PPIP5K2: variants seen among roughly 807,000 people sequenced by gnomAD.
PPIP5K2 encodes the protein inositol hexakisphosphate and diphosphoinositol-pentakisphosphate kinase 2.
In PPIP5K2, 105 loss-of-function variants were observed where a neutral mutation model predicts 154.6. The ratio of observed to expected loss-of-function variants is 0.68; its 90% CI spans 0.58 to 0.80. The LOEUF is 0.80. Among genes scored for constraint, PPIP5K2 ranks in the 30% least tolerant of loss-of-function variants. The probability of loss-of-function intolerance (pLI) is 0.00; values close to 1 mark genes in which losing one functional copy is unlikely to be tolerated. For missense variants in PPIP5K2, 992 were observed against 1,504.6 expected, an observed-to-expected ratio of 0.66 and a Z score of 5.64; for synonymous variants, 480 against 490.3, an observed-to-expected ratio of 0.98 and a Z score of 0.28.
chr5:103,210,667 C>A lies in PPIP5K2; in HGVS notation c.*9033C>A, dbSNP rs1803758380. ...ACAATTATTGAGGTAAATAACATAC[C>A]CTAAAAGTTAGTACTGATTCCCATT... On this transcript the variant is annotated 3_prime_UTR_variant, in exon 31 of 31. Transcript: ENST00000358359. 2 of 152,078 alleles carry A rather than the reference C, an allele frequency of 1.3e-5. No homozygotes were observed. Among genetic ancestry groups the A allele is most frequent in the Admixed American group, 1.3e-4 (2 of 15,252 alleles). 9.4% of individuals were successfully genotyped at this position (152,078 alleles called of 1,614,324 possible).
At position 103,167,195 on chromosome 5, in the gene PPIP5K2, G is replaced by C; in HGVS notation, c.1937G>C (p.Ser646Thr). ...CATTTGTAGCTTACTCCATCTGGAA[G>C]CATTTCTCTTATCAAATCAATGCAT... ...EDYEKLTPSG[S>T]ISLIKSMHLI... Residue 646 changes from serine to threonine, a missense_variant, in exon 18 of 31, where the codon AGC (serine) becomes ACC (threonine). Transcript: ENST00000358359. The C allele has an allele frequency of 6.4e-7, 1 of 1,566,220 alleles. No homozygotes were observed. Among genetic ancestry groups the C allele is most frequent in the Non-Finnish European group, 8.7e-7 (1 of 1,154,864 alleles).
chr5:103,207,199 ATTGCT>A lies in PPIP5K2; in HGVS notation c.*5567_*5571del. The A allele has an allele frequency of 6.6e-6, 1 of 152,220 alleles. No individual in the cohort carries two copies. Among genetic ancestry groups the A allele is most frequent in the Non-Finnish European group, 1.5e-5 (1 of 68,050 alleles). 9.4% of individuals were successfully genotyped at this position (152,220 alleles called of 1,614,324 possible). A position where few individuals can be genotyped will look rare whatever the true frequency, so the allele number is the denominator to read the frequency against. On this transcript the variant is annotated 3_prime_UTR_variant, in exon 31 of 31. Transcript: ENST00000358359. ...AAGCCTGTCAGGCAAAGCCTTTGTA[ATTGCT>A]TATGGTCAGGCCTGAAAGATCACAC...
Position 103,177,974 on chromosome 5 carries a change from C to A in PPIP5K2, c.2748C>A (p.Ser916=). 1 of 1,588,588 alleles carries A rather than the reference C, an allele frequency of 6.3e-7. No individual in the cohort carries two copies. Among genetic ancestry groups the A allele is most frequent in the South Asian group, 1.1e-5 (1 of 90,448 alleles). Reference sequence around the variant, plus strand: ...CTGGCTATGGATATAGACCAGCTTCCAGAGAGGTAATGAAGGTGGAACTCT... The same window carrying A: ...CTGGCTATGGATATAGACCAGCTTCAAGAGAGGTAATGAAGGTGGAACTCT... The part of the protein sequence containing the change: ...LPSGYGYRPA[S]RENEGRRPFK... Residue 916 remains serine (S), a synonymous_variant, in exon 23 of 31, where the codon TCC becomes TCA. Transcript: ENST00000358359.
chr5:103,174,062 A>G, intron 21 of PPIP5K2, 90 bp downstream of exon 21: 1 of 1,012,120 alleles, frequency 9.9e-7, no homozygotes, highest in Non-Finnish European at 1.4e-6. Context: ...AATTTTAGTA[A>G]TTCATCCTTA....
chr5:103,176,665 T>C (rs912314685), intron 21 of PPIP5K2, among the ~76,000 whole-genome samples: 1 of 152,038 alleles, frequency 6.6e-6, no homozygotes, highest in Non-Finnish European at 1.5e-5. Flanking sequence ...TATATATTTG[T>C]AATGTAATTA....
chr5:103,178,497 A>G (rs1554221706), intron 23 of PPIP5K2, among the ~76,000 whole-genome samples: 1 of 151,796 alleles, frequency 6.6e-6, no homozygotes, highest in East Asian at 1.9e-4. Context: ...TTATAGCTTT[A>G]TAATAAATAT....
chr5:103,147,178 T>G (rs1554209453), intron 6 of PPIP5K2, among the ~76,000 whole-genome samples: 1 of 151,892 alleles, frequency 6.6e-6, no homozygotes, highest in Admixed American at 6.6e-5. Flanking sequence ...TTGGCAGAAA[T>G]ACAAAGCAAT....
chr5:103,124,169 A>G (rs962443291), intron 1 of PPIP5K2, among the ~76,000 whole-genome samples: 6 of 151,618 alleles, frequency 4.0e-5, no homozygotes, highest in Admixed American at 6.6e-5. Context: ...AGTCCCAGCT[A>G]CTTGGGAGGC....
Position 103,211,496 on chromosome 5 carries a change from G to C in PPIP5K2, c.*9862G>C, listed in dbSNP as rs1017185703. ...AACTCTCACCTACTTACTAGATATAGTGTTTGTAATGTTAGCCTTGGAGAT... is the reference window on the plus strand; with the variant it reads ...AACTCTCACCTACTTACTAGATATACTGTTTGTAATGTTAGCCTTGGAGAT... On this transcript the variant is annotated 3_prime_UTR_variant, in exon 31 of 31. Transcript: ENST00000358359. The C allele has an allele frequency of 6.6e-6, 1 of 152,114 alleles. No individual in the cohort carries two copies. The highest frequency in any genetic ancestry group is 1.5e-5 in the Non-Finnish European group (1 of 67,978). The allele number at this position is 152,114 out of a possible 1,614,324, so 9.4% of individuals were successfully genotyped here. A position where few individuals can be genotyped will look rare whatever the true frequency, so the allele number is the denominator to read the frequency against.
intron 15 of PPIP5K2, 31 bp from the exon 16 acceptor site, chr5:103,158,421 T>C (rs368502605): frequency 2.7e-5 from 43 of 1,595,362 alleles, no homozygotes; most frequent in African/African-American, 1.2e-4. Flanking sequence ...AATGAAAATA[T>C]AGCTGAAGTG....
intron 17 of PPIP5K2, among the ~76,000 whole-genome samples, chr5:103,166,791 A>G (rs782792879): frequency 6.6e-6 from 1 of 152,018 alleles, no homozygotes; most frequent in Non-Finnish European, 1.5e-5. Flanking sequence ...TAAGAAAATT[A>G]TAAGGAAGAG....
At chr5:103,177,152 CA>C (rs201448688) in intron 21 of PPIP5K2, among the ~76,000 whole-genome samples, 36,517 of 151,600 alleles carry the variant, frequency 0.24, 5,020 homozygotes, top group East Asian at 0.45. Flanking sequence ...TAGTGTTTGT[CA>C]TATTTCAAGA....
chr5:103,180,968 A>G (rs1562484275), intron 24 of PPIP5K2, among the ~76,000 whole-genome samples: 2 of 152,010 alleles, frequency 1.3e-5, no homozygotes, highest in African/African-American at 4.8e-5. Context: ...CAAAGTCTAT[A>G]TAGGAATTTG....
intron 1 of PPIP5K2, among the ~76,000 whole-genome samples, chr5:103,126,391 GGATA>G (rs1789673621): frequency 6.6e-6 from 1 of 152,012 alleles, no homozygotes; most frequent in Admixed American, 6.6e-5. Flanking sequence ...AAAATCTATT[GGATA>G]CATACTTTTT....
intron 13 of PPIP5K2, among the ~76,000 whole-genome samples, chr5:103,155,157 G>A (rs1453130588): frequency 6.6e-6 from 1 of 151,928 alleles, no homozygotes; most frequent in African/African-American, 2.4e-5. Flanking sequence ...ATTAAACAAG[G>A]ACATCAAATT....
Position 103,180,100 on chromosome 5 carries a change from T to C in PPIP5K2, c.2834T>C (p.Val945Ala), listed in dbSNP as rs1799282739. The C allele has an allele frequency of 1.2e-6, 2 of 1,605,656 alleles. No homozygotes were observed. The highest frequency in any genetic ancestry group is 3.4e-5 in the Admixed American group (2 of 58,508). ...AAAAGAGATGAAGTTGATCGAGCTG[T>C]GATATTGTTTAAACCAATGGTATCA... The part of the protein sequence containing the change: ...TSKRDEVDRA[V>A]ILFKPMVSEP... The change falls in exon 24 of 31, where the codon GTG becomes GCG. Residue 945 changes from valine to alanine, a missense_variant. Val to Ala is a moderately conservative substitution (Grantham distance 64, BLOSUM62 0). Coordinates refer to ENST00000358359, the MANE Select transcript of PPIP5K2 (RefSeq NM_001276277.3).
At chr5:103,186,585 G>C (rs1554225195) in intron 27 of PPIP5K2, 146 bp downstream of exon 27, 1 of 1,091,102 alleles carries the variant, frequency 9.2e-7, no homozygotes, top group African/African-American at 1.6e-5. Flanking sequence ...AGTGCTCTCT[G>C]TTATCTACAA....
chr5:103,121,276 G>C (rs990759757), intron 1 of PPIP5K2, among the ~76,000 whole-genome samples: 1 of 152,144 alleles, frequency 6.6e-6, no homozygotes, highest in Non-Finnish European at 1.5e-5. Flanking sequence ...AAATAATAAC[G>C]ATAGTTGCCA....
At position 103,120,343 on chromosome 5, in the gene PPIP5K2, T is replaced by C. The variant is rs1041003182; in HGVS notation, c.-430T>C. 2.2e-6 allele frequency: 1 copy of C among 451,738 alleles called. No homozygotes were observed. Among genetic ancestry groups the C allele is most frequent in the African/African-American group, 2.0e-5 (1 of 49,966 alleles). The allele number at this position is 451,738 out of a possible 1,614,324, so 28.0% of individuals were successfully genotyped here. A position where few individuals can be genotyped will look rare whatever the true frequency, so the allele number is the denominator to read the frequency against. On this transcript the variant is annotated 5_prime_UTR_variant, in exon 1 of 31. The change abolishes the stop of an existing upstream ORF in the 5' untranslated region. Coordinates refer to ENST00000358359, the MANE Select transcript of PPIP5K2 (RefSeq NM_001276277.3). ...CCTTATGTGGCCCTATAGCTGTTACTGAAGGAAGTAGCCTACGTCCACGCC... is the reference window on the plus strand; with the variant it reads ...CCTTATGTGGCCCTATAGCTGTTACCGAAGGAAGTAGCCTACGTCCACGCC...
Sources: allele counts gnomAD v4.1 joint callset (sites outside exome capture counted in the v4.1 genomes callset), GRCh38; gene constraint gnomAD v4.1.1; transcripts MANE v1.5; gene names NCBI Gene and HGNC (gene_info 2026-07-23, HGNC 2026-07-21).